SSPN: variants seen among roughly 807,000 people sequenced by gnomAD.
SSPN encodes the protein sarcospan, also known as K-ras oncogene-associated protein.
In SSPN, 15 loss-of-function variants were observed where a neutral mutation model predicts 19.1. The ratio of observed to expected loss-of-function variants is 0.78; its 90% CI spans 0.52 to 1.21. The LOEUF (loss-of-function observed/expected upper bound fraction) is 1.21, where lower values mean the gene tolerates loss of function less well. Ranked by LOEUF, SSPN falls within the 50% of genes most tolerant of loss-of-function variation. The pLI, the probability that SSPN is intolerant of heterozygous loss-of-function variation, is 0.00. For synonymous variants in SSPN, 147 were observed against 140.3 expected, an observed-to-expected ratio of 1.05 and a Z score of -0.34; for missense variants, 291 against 314.0, an observed-to-expected ratio of 0.93 and a Z score of 0.55.
intron 1 of SSPN, among the ~76,000 whole-genome samples, chr12:26,181,947 AT>A (rs1031613679): frequency 3.9e-5 from 6 of 151,948 alleles, no homozygotes; most frequent in African/African-American, 1.2e-4. Flanking sequence ...TTTGTTAGTT[AT>A]TTTTTTTAGC....
In SSPN at chr12:26,146,363, C is replaced by T. The variant is rs115414817; in HGVS notation, c.-31+24211C>T. 2.8e-3 allele frequency among the ~76,000 whole-genome samples: 424 copies of T among 152,306 alleles called. 3 individuals carry two copies. Among genetic ancestry groups the T allele is most frequent in the African/African-American group, 9.9e-3 (411 of 41,562 alleles). ...ACCCTCAGTCTCACCCTCGTTCTGA[C>T]TCCTGTTGTGCCCATTTCCATGTAA... On this transcript the variant is annotated intron_variant, in intron 1 of 2. Coordinates refer to the SSPN transcript ENST00000538142.
intron 1 of SSPN, among the ~76,000 whole-genome samples, chr12:26,220,525 G>C (rs2137503836): frequency 6.6e-6 from 1 of 152,264 alleles, no homozygotes; most frequent in Non-Finnish European, 1.5e-5. Context: ...CTTCATAACT[G>C]GGTAACTAAC....
intron 1 of SSPN, among the ~76,000 whole-genome samples, chr12:26,161,977 C>T (rs1341668488): frequency 1.3e-5 from 2 of 152,126 alleles, no homozygotes; most frequent in East Asian, 1.9e-4. Flanking sequence ...GGTACCAGTC[C>T]GTGGCCCGGG....
intron 1 of SSPN, among the ~76,000 whole-genome samples, chr12:26,175,724 C>A (rs566081754): frequency 6.6e-6 from 1 of 151,918 alleles, no homozygotes; most frequent in South Asian, 2.1e-4. Context: ...ATGGGAAATA[C>A]AATTCTATGG....
At chr12:26,148,282 A>C (rs1944504858) in intron 1 of SSPN, among the ~76,000 whole-genome samples, 1 of 152,236 alleles carries the variant, frequency 6.6e-6, no homozygotes, top group Admixed American at 6.5e-5. Flanking sequence ...CCGAGATCTG[A>C]ATTGGGTGAT....
At chr12:26,169,555 G>C (rs1349687410) in intron 1 of SSPN, among the ~76,000 whole-genome samples, 10 of 150,974 alleles carry the variant, frequency 6.6e-5, no homozygotes, top group African/African-American at 2.4e-4. Flanking sequence ...CAGCTACCAA[G>C]AGTAAGCTAG....
chr12:26,230,660 A>T (rs745416744), intron 2 of SSPN, 51 bp from the exon 3 acceptor site: 1 of 1,533,450 alleles, frequency 6.5e-7, no homozygotes. Context: ...TTTGCAAATC[A>T]TCATCCAATG....
At chr12:26,144,714 ATTC>A (rs33987646) in intron 1 of SSPN, among the ~76,000 whole-genome samples, 40,475 of 151,954 alleles carry the variant, frequency 0.27, 5,551 homozygotes, top group South Asian at 0.37. Flanking sequence ...TTTACCTCTG[ATTC>A]TTCAAGACAG....
At chr12:26,123,656 T>C in intron 1 of SSPN, 1 of 1,613,814 alleles carries the variant, frequency 6.2e-7, no homozygotes, top group Non-Finnish European at 8.5e-7. Flanking sequence ...TATCTTCTGA[T>C]GCTGTTGCTC....
chr12:26,125,052 G>A (rs1467965780), intron 1 of SSPN: 3 of 548,752 alleles, frequency 5.5e-6, no homozygotes, highest in African/African-American at 3.8e-5. Flanking sequence ...CAGGGCACGC[G>A]CGTCGCCGGC....
At chr12:26,158,759 C>G (rs968744608) in intron 1 of SSPN, among the ~76,000 whole-genome samples, 2 of 152,250 alleles carry the variant, frequency 1.3e-5, no homozygotes, top group Non-Finnish European at 2.9e-5. Flanking sequence ...GAGTCTCTGG[C>G]TTGCCAGCTG....
rs555389554 is a variant in SSPN, at chr12:26,138,836, A to G, written c.-31+16684A>G. Among the ~76,000 whole-genome samples, 3 of 152,296 alleles carry G rather than the reference A, an allele frequency of 2.0e-5. No homozygotes were observed. In the South Asian group the frequency reaches 6.2e-4, roughly 32 times the overall value. Reference sequence around the variant, plus strand: ...CATAAATTCAGGCCAATAAAGATAAACTATAGTCCATTTTAATTTTACTGG... The same window carrying G: ...CATAAATTCAGGCCAATAAAGATAAGCTATAGTCCATTTTAATTTTACTGG... On this transcript the variant is annotated intron_variant, in intron 1 of 2. Coordinates refer to the SSPN transcript ENST00000538142.
At chr12:26,162,871 A>G (rs1944597447) in intron 1 of SSPN, among the ~76,000 whole-genome samples, 1 of 152,212 alleles carries the variant, frequency 6.6e-6, no homozygotes, top group Admixed American at 6.5e-5. Flanking sequence ...TTGGGAAGAT[A>G]AGTTAATATG....
exon 1 of SSPN, chr12:26,122,114 C>T: frequency 6.5e-7 from 1 of 1,549,506 alleles, no homozygotes; most frequent in Non-Finnish European, 8.7e-7. Flanking sequence ...GAGCAGAGCT[C>T]TCCGGGTTCC....
intron 1 of SSPN, among the ~76,000 whole-genome samples, chr12:26,186,175 C>T (rs540849181): frequency 6.6e-6 from 1 of 150,576 alleles, no homozygotes; most frequent in South Asian, 2.1e-4. Flanking sequence ...CATGAGGGTA[C>T]ACCCCAAACA....
Position 26,195,641 on chromosome 12 carries a change from G to GCA in SSPN, c.-30_-29dup. 2.0e-5 allele frequency: 22 copies of GCA among 1,105,402 alleles called. 1 individual carries two copies. In the South Asian group the frequency reaches 3.7e-4, roughly 18 times the overall value. The allele number at this position is 1,105,402 out of a possible 1,614,324, so 68.5% of individuals were successfully genotyped here. ...CTCCAGGGCCCAGGGCGCCGCACAC[G>GCA]CACCCACCCACCCACCCAGCCTCGC... is the stretch of plus-strand genomic sequence containing the variant. On this transcript the variant is annotated 5_prime_UTR_variant, in exon 1 of 3. Transcript: ENST00000242729.
intron 1 of SSPN, among the ~76,000 whole-genome samples, chr12:26,173,248 C>A (rs1486755252): frequency 6.6e-6 from 1 of 152,014 alleles, no homozygotes; most frequent in Non-Finnish European, 1.5e-5. Context: ...TAGAAAAGAG[C>A]GTGGGGACAA....
intron 1 of SSPN, among the ~76,000 whole-genome samples, chr12:26,198,886 T>C (rs1278852641): frequency 6.6e-6 from 1 of 152,232 alleles, no homozygotes; most frequent in Non-Finnish European, 1.5e-5. Context: ...CAGTTTTCCC[T>C]GTTCAGGAGC....
chr12:26,227,959 A>C (rs1350940359), intron 2 of SSPN, among the ~76,000 whole-genome samples: 1 of 152,206 alleles, frequency 6.6e-6, no homozygotes, highest in Non-Finnish European at 1.5e-5. Flanking sequence ...AAAATAGACA[A>C]AATTCCCATT....
Sources: allele counts gnomAD v4.1 joint callset (sites outside exome capture counted in the v4.1 genomes callset), GRCh38; gene constraint gnomAD v4.1.1; transcripts MANE v1.5; gene names NCBI Gene and HGNC (gene_info 2026-07-23, HGNC 2026-07-21).